ITPRID1: variants seen among roughly 807,000 people sequenced by gnomAD.
ITPRID1 encodes protein ITPRID1.
In ITPRID1, 96 loss-of-function variants were observed where a neutral mutation model predicts 95.4. That is an observed-to-expected ratio of 1.01 (90% CI 0.85 to 1.19). The LOEUF (loss-of-function observed/expected upper bound fraction) is 1.19. ITPRID1 is among the 50% of genes most tolerant of loss of function. The pLI is 0.00. For synonymous variants in ITPRID1, 510 were observed against 453.6 expected (o/e 1.12, Z -1.58); for missense variants, 1,339 against 1,252.9 (o/e 1.07, Z -1.04).
At chr7:31,554,783 G>A in intron 4 of ITPRID1, 75 bp from the exon 5 acceptor site, 1 of 1,299,368 alleles carries the variant, frequency 7.7e-7, no homozygotes. Context: ...GCTCTCACCT[G>A]TTTAATTAAA....
intron 1 of ITPRID1, chr7:31,517,689 C>T (rs12701104): frequency 0.17 from 26,631 of 152,656 alleles, 2,888 homozygotes; most frequent in Middle Eastern, 0.25. Context: ...GCCTGCGCTT[C>T]TCCCTCCACA....
chr7:31,595,171 A>G (rs183066315), intron 10 of ITPRID1, among the ~76,000 whole-genome samples: 362 of 148,586 alleles, frequency 2.4e-3, no homozygotes, highest in Non-Finnish European at 4.4e-3. Context: ...CAGCCTCCCG[A>G]GTAGCTGGGA....
At chr7:31,631,771 T>A (rs1484139535) in intron 10 of ITPRID1, among the ~76,000 whole-genome samples, 2 of 152,226 alleles carry the variant, frequency 1.3e-5, no homozygotes, top group African/African-American at 4.8e-5. Flanking sequence ...ATTCAAATGT[T>A]ACGTAGAAAT....
intron 10 of ITPRID1, among the ~76,000 whole-genome samples, chr7:31,618,402 A>C (rs933244131): frequency 1.1e-4 from 16 of 152,310 alleles, no homozygotes; most frequent in Non-Finnish European, 8.8e-5. Flanking sequence ...TAATTAGGCT[A>C]TTGAAGAAGA....
intron 5 of ITPRID1, among the ~76,000 whole-genome samples, chr7:31,560,630 G>T (rs1784593134): frequency 1.3e-5 from 2 of 152,308 alleles, no homozygotes; most frequent in Admixed American, 1.3e-4. Flanking sequence ...ATCAAAGAAA[G>T]AAGGAAATCA....
At chr7:31,607,523 G>A (rs1786677769) in intron 10 of ITPRID1, among the ~76,000 whole-genome samples, 1 of 152,034 alleles carries the variant, frequency 6.6e-6, no homozygotes, top group South Asian at 2.1e-4. Context: ...GTGTTGTGCT[G>A]TTGAAAAGTC....
At chr7:31,582,309 G>A (rs1348652402) in intron 9 of ITPRID1, among the ~76,000 whole-genome samples, 4 of 152,136 alleles carry the variant, frequency 2.6e-5, no homozygotes, top group African/African-American at 4.8e-5. Flanking sequence ...TCAAATTTTT[G>A]AGAGAAAAAA....
At chr7:31,568,306 C>A (rs899045511) in intron 5 of ITPRID1, among the ~76,000 whole-genome samples, 6 of 152,094 alleles carry the variant, frequency 3.9e-5, no homozygotes, top group African/African-American at 1.4e-4. Flanking sequence ...TCACAGGTAC[C>A]TGTCGTCTAT....
chr7:31,557,044 C>T (rs542236234), intron 5 of ITPRID1, among the ~76,000 whole-genome samples: 4 of 151,936 alleles, frequency 2.6e-5, no homozygotes, highest in South Asian at 2.1e-4. Context: ...CTCTACATGG[C>T]TTCTTCTCCT....
At chr7:31,519,620 C>CTCTCTCTCTATATATATATA in intron 1 of ITPRID1, among the ~76,000 whole-genome samples, 45 of 25,254 alleles carry the variant, frequency 1.8e-3, no homozygotes, top group Non-Finnish European at 2.3e-3. Flanking sequence ...CTCTCTCTCT[C>CTCTCTCTCTATATATATATA]TATATATATA....
chr7:31,591,902 A>T (rs2128154802), intron 10 of ITPRID1, among the ~76,000 whole-genome samples: 1 of 152,330 alleles, frequency 6.6e-6, no homozygotes, highest in South Asian at 2.1e-4. Flanking sequence ...AAAACACCTA[A>T]ATATGACAAT....
chr7:31,550,398 T>C (rs1271099072), intron 2 of ITPRID1, among the ~76,000 whole-genome samples: 1 of 152,052 alleles, frequency 6.6e-6, no homozygotes, highest in Non-Finnish European at 1.5e-5. Flanking sequence ...GTCAAAGAAT[T>C]AGCAAGAACT....
At chr7:31,602,626 AAGC>A (rs1786442496) in intron 10 of ITPRID1, among the ~76,000 whole-genome samples, 1 of 152,072 alleles carries the variant, frequency 6.6e-6, no homozygotes, top group African/African-American at 2.4e-5. Context: ...TGGGGGAAAA[AAGC>A]AGCAGCAACA....
chr7:31,581,100 A>G (rs1387063710), intron 9 of ITPRID1, among the ~76,000 whole-genome samples: 1 of 152,192 alleles, frequency 6.6e-6, no homozygotes, highest in African/African-American at 2.4e-5. Context: ...TTAAAATCCA[A>G]TTATAAGAAA....
In ITPRID1 at chr7:31,653,500, A is replaced by G. The variant is rs1004439707; in HGVS notation, c.*671A>G. ...GAGTTCTGTTCTTTGTCCTGTACCT[A>G]TTAAGAGAAGCTATCAATATACTTT... On this transcript the variant is annotated 3_prime_UTR_variant, in exon 15 of 15. Transcript: ENST00000615280. 2 of 152,226 alleles carry G rather than the reference A, an allele frequency of 1.3e-5. No homozygotes were observed. Among genetic ancestry groups the G allele is most frequent in the Non-Finnish European group, 2.9e-5 (2 of 68,078 alleles). The allele number at this position is 152,226 out of a possible 1,614,324, so 9.4% of individuals were successfully genotyped here.
chr7:31,520,761 T>G (rs1391988106), intron 1 of ITPRID1, among the ~76,000 whole-genome samples: 1 of 152,130 alleles, frequency 6.6e-6, no homozygotes, highest in Non-Finnish European at 1.5e-5. Flanking sequence ...ATGAAATATA[T>G]GTGTGTATGC....
rs75339652 is a variant in ITPRID1, at chr7:31,557,651, A to G, written c.256+2750A>G. ...ACTTGGAGGGGAAGAAAATTAATGC[A>G]TACTGAGGATGCACATGCTAGATAC... is the stretch of plus-strand genomic sequence containing the variant. On this transcript the variant is annotated intron_variant, in intron 5 of 14. Transcript: ENST00000615280. 2.1e-3 allele frequency among the ~76,000 whole-genome samples: 325 copies of G among 152,328 alleles called. 3 individuals carry two copies. The highest frequency in any genetic ancestry group is 7.6e-3 in the African/African-American group (317 of 41,572).
At position 31,656,400 on chromosome 7, in the gene ITPRID1, C is replaced by T. The variant is rs181708597; in HGVS notation, c.*3571C>T. 4 of 467,742 alleles carry T rather than the reference C, an allele frequency of 8.6e-6. No individual in the cohort carries two copies. In the East Asian group the frequency reaches 6.2e-4, roughly 72 times the overall value. 29.0% of individuals were successfully genotyped at this position (467,742 alleles called of 1,614,324 possible). A position where few individuals can be genotyped will look rare whatever the true frequency, so the allele number is the denominator to read the frequency against. ...GTTGGACAGAATAAATACCATGAAT[C>T]CTGTGCAGTGTTTAATCCAATGTCC... On this transcript the variant is annotated 3_prime_UTR_variant, in exon 15 of 15. Transcript: ENST00000615280.
chr7:31,534,287 G>A (rs10229918), intron 1 of ITPRID1, among the ~76,000 whole-genome samples: 88,687 of 152,016 alleles, frequency 0.58, 26,938 homozygotes, highest in Middle Eastern at 0.71. Flanking sequence ...TGGGTGGAGT[G>A]TTTGGTTAAA....
Sources: allele counts gnomAD v4.1 joint callset (sites outside exome capture counted in the v4.1 genomes callset), GRCh38; gene constraint gnomAD v4.1.1; transcripts MANE v1.5; gene names NCBI Gene and HGNC (gene_info 2026-07-23, HGNC 2026-07-21).